BACH2: variants seen among roughly 807,000 people sequenced by gnomAD.
BACH2 encodes transcription regulator protein BACH2.
BACH2 carries 5 observed loss-of-function variants against 61.8 expected under a neutral mutation model. The observed-to-expected ratio is 0.08, with a 90% CI of 0.04 to 0.17. BACH2 has a LOEUF of 0.17. BACH2 is among the 10% of genes least tolerant of loss of function. The pLI is 1.00. For missense variants in BACH2, 824 were observed against 1,091.1 expected (o/e 0.76, Z 3.45); for synonymous variants, 446 against 440.1 (o/e 1.01, Z -0.17).
chr6:90,217,361 C>T (rs979485879), intron 3 of BACH2, among the ~76,000 whole-genome samples: 3 of 152,120 alleles, frequency 2.0e-5, no homozygotes, highest in Non-Finnish European at 4.4e-5. Flanking sequence ...AATGTTTCAA[C>T]TTTTAAAATA....
chr6:90,071,248 A>C (rs1161285230), intron 5 of BACH2, among the ~76,000 whole-genome samples: 1 of 152,022 alleles, frequency 6.6e-6, no homozygotes, highest in African/African-American at 2.4e-5. Flanking sequence ...TGGGCATGAG[A>C]CCTCTTTTGT....
chr6:90,074,743 T>C (rs1416432268), intron 5 of BACH2, among the ~76,000 whole-genome samples: 1 of 152,058 alleles, frequency 6.6e-6, no homozygotes, highest in Non-Finnish European at 1.5e-5. Flanking sequence ...GATGGCGGGA[T>C]CATTAATGGG....
chr6:89,996,609 G>C (rs997887386), intron 6 of BACH2, among the ~76,000 whole-genome samples: 1 of 152,114 alleles, frequency 6.6e-6, no homozygotes, highest in African/African-American at 2.4e-5. Context: ...TGCCACACCA[G>C]TGTCCTCTCC....
intron 4 of BACH2, among the ~76,000 whole-genome samples, chr6:90,172,987 GA>G (rs954533805): frequency 6.6e-6 from 1 of 151,958 alleles, no homozygotes; most frequent in Non-Finnish European, 1.5e-5. Context: ...TTTGAGAAAA[GA>G]ATGAATACTG....
intron 5 of BACH2, among the ~76,000 whole-genome samples, chr6:90,020,451 C>T (rs1301545425): frequency 6.6e-6 from 1 of 151,926 alleles, no homozygotes; most frequent in African/African-American, 2.4e-5. Context: ...TCACTTTGGC[C>T]CTCTCTCATG....
At chr6:90,055,669 T>C (rs1354248684) in intron 5 of BACH2, among the ~76,000 whole-genome samples, 2 of 141,680 alleles carry the variant, frequency 1.4e-5, no homozygotes, top group African/African-American at 6.4e-5. Flanking sequence ...GACACGTAAT[T>C]GTCAAGATTC....
intron 3 of BACH2, among the ~76,000 whole-genome samples, chr6:90,212,113 C>T (rs1165699199): frequency 6.6e-6 from 1 of 152,164 alleles, no homozygotes. Flanking sequence ...CCCAAATTTC[C>T]TCTACTCTAT....
In BACH2 at chr6:90,098,783, T is replaced by C. The variant is rs926034873; in HGVS notation, c.-161-9674A>G. On this transcript the variant is annotated intron_variant, in intron 4 of 8. Coordinates refer to ENST00000257749, the MANE Select transcript of BACH2 (RefSeq NM_021813.4). The stretch of plus-strand genomic sequence containing the variant: ...AGGGTAACTTCTTCTGGGGCCACTT[T>C]TGTCTCTGGATGAGAAACGACTTGT... Among the ~76,000 whole-genome samples the C allele has an allele frequency of 1.2e-4, 19 of 152,324 alleles. No homozygotes were observed. The East Asian group carries it at 3.5e-3, about 28-fold the overall frequency.
At chr6:90,197,301 A>C (rs1047792149) in intron 4 of BACH2, among the ~76,000 whole-genome samples, 1 of 152,214 alleles carries the variant, frequency 6.6e-6, no homozygotes, top group Non-Finnish European at 1.5e-5. Context: ...ATTGGAAGCA[A>C]TCATTCCATT....
At chr6:89,973,074 G>A (rs1302977910) in intron 6 of BACH2, among the ~76,000 whole-genome samples, 1 of 152,002 alleles carries the variant, frequency 6.6e-6, no homozygotes, top group Non-Finnish European at 1.5e-5. Context: ...TGGGCAACAA[G>A]AGCGAAATTC....
At chr6:89,982,816 G>A (rs560416493) in intron 6 of BACH2, among the ~76,000 whole-genome samples, 3 of 152,284 alleles carry the variant, frequency 2.0e-5, no homozygotes, top group South Asian at 2.1e-4. Context: ...AAGCAGGGCC[G>A]GGTCTTGGGT....
At chr6:90,230,162 G>A (rs1770048647) in intron 3 of BACH2, among the ~76,000 whole-genome samples, 2 of 152,208 alleles carry the variant, frequency 1.3e-5, no homozygotes, top group African/African-American at 4.8e-5. Context: ...GCCATACTAC[G>A]TGGGTTCAAA....
At chr6:90,258,712 C>T (rs1378009006) in intron 2 of BACH2, among the ~76,000 whole-genome samples, 4 of 152,008 alleles carry the variant, frequency 2.6e-5, no homozygotes, top group Admixed American at 2.6e-4. Context: ...GATATCTTTC[C>T]ATTTTTTTGT....
chr6:89,972,208 C>T (rs1775401014), intron 6 of BACH2, among the ~76,000 whole-genome samples: 1 of 152,078 alleles, frequency 6.6e-6, no homozygotes, highest in Non-Finnish European at 1.5e-5. Context: ...GGCCCAGGGG[C>T]CTCACTGGAG....
chr6:90,015,729 G>A (rs1349189575), intron 5 of BACH2, among the ~76,000 whole-genome samples: 3 of 152,186 alleles, frequency 2.0e-5, no homozygotes, highest in African/African-American at 7.2e-5. Flanking sequence ...CACTTGAAAT[G>A]TATATTCTGT....
At chr6:90,040,421 G>A (rs1779476351) in intron 5 of BACH2, among the ~76,000 whole-genome samples, 1 of 151,992 alleles carries the variant, frequency 6.6e-6, no homozygotes, top group Non-Finnish European at 1.5e-5. Context: ...AGGTGCCACT[G>A]ACTTGCCCAT....
chr6:90,002,380 C>T (rs1582173866), intron 6 of BACH2, among the ~76,000 whole-genome samples: 1 of 152,158 alleles, frequency 6.6e-6, no homozygotes, highest in South Asian at 2.1e-4. Context: ...ATTTTTATCT[C>T]TAGGATAGAC....
chr6:90,156,457 CAAA>C (rs1784999520), intron 4 of BACH2, among the ~76,000 whole-genome samples: 1 of 152,030 alleles, frequency 6.6e-6, no homozygotes. Context: ...ATGGCATGGC[CAAA>C]AATAACATTC....
intron 5 of BACH2, among the ~76,000 whole-genome samples, chr6:90,047,281 TG>T (rs1294530867): frequency 6.6e-6 from 1 of 152,130 alleles, no homozygotes; most frequent in African/African-American, 2.4e-5. Context: ...TTATCAGGGA[TG>T]GGGGGCAGAG....
Sources: gnomAD v4.1 joint callset for allele counts (sites outside exome capture counted in the v4.1 genomes callset) on GRCh38, gnomAD v4.1.1 for gene constraint, MANE v1.5 for transcripts, NCBI Gene and HGNC (gene_info 2026-07-23, HGNC 2026-07-21) for gene names.